PPP2R2B: variants seen among roughly 807,000 people sequenced by gnomAD.
The protein encoded by PPP2R2B is serine/threonine-protein phosphatase 2A 55 kDa regulatory subunit B beta isoform.
In PPP2R2B, 5 loss-of-function variants were observed where a neutral mutation model predicts 46.0. The observed-to-expected ratio is 0.11, with a 90% CI of 0.06 to 0.23. PPP2R2B has a LOEUF of 0.23. PPP2R2B is among the 10% of genes least tolerant of loss of function. The pLI is 1.00. For missense variants in PPP2R2B, 367 were observed against 575.0 expected, an observed-to-expected ratio of 0.64 and a Z score of 3.70; for synonymous variants, 215 against 206.7, an observed-to-expected ratio of 1.04 and a Z score of -0.34.
intron 2 of PPP2R2B, among the ~76,000 whole-genome samples, chr5:146,746,648 C>T (rs1408529901): frequency 6.6e-6 from 1 of 152,214 alleles, no homozygotes; most frequent in African/African-American, 2.4e-5. Context: ...TGCGCTACCC[C>T]TGCTATCCCC....
chr5:146,644,168 T>TA (rs1188301961), intron 6 of PPP2R2B, among the ~76,000 whole-genome samples: 1 of 96,542 alleles, frequency 1.0e-5, no homozygotes, highest in Non-Finnish European at 2.1e-5. Flanking sequence ...ATAATATCAA[T>TA]AAAAGAATAT....
At chr5:146,813,639 T>C (rs1757760487) in intron 2 of PPP2R2B, among the ~76,000 whole-genome samples, 1 of 152,190 alleles carries the variant, frequency 6.6e-6, no homozygotes, top group African/African-American at 2.4e-5. Context: ...TTTTAAGAGC[T>C]CCATCTCTTA....
At chr5:146,860,691 T>C (rs977776033) in intron 2 of PPP2R2B, among the ~76,000 whole-genome samples, 1 of 152,188 alleles carries the variant, frequency 6.6e-6, no homozygotes. Flanking sequence ...CCACCCTCTG[T>C]GTCAATAAAC....
intron 1 of PPP2R2B, among the ~76,000 whole-genome samples, chr5:146,907,557 C>A (rs1459870552): frequency 2.6e-5 from 4 of 152,218 alleles, no homozygotes; most frequent in Non-Finnish European, 5.9e-5. Flanking sequence ...GGGCTAAGGG[C>A]AGGTGTACCT....
At chr5:146,602,417 C>T (rs966998564) in intron 7 of PPP2R2B, among the ~76,000 whole-genome samples, 3 of 152,156 alleles carry the variant, frequency 2.0e-5, no homozygotes, top group African/African-American at 7.2e-5. Context: ...GTATAGTATT[C>T]AGCTGAAACA....
chr5:146,776,570 T>C (rs1265755964), intron 2 of PPP2R2B, among the ~76,000 whole-genome samples: 1 of 152,066 alleles, frequency 6.6e-6, no homozygotes, highest in African/African-American at 2.4e-5. Context: ...TAATGGCAAA[T>C]GTGTATTATG....
rs138543840 is a variant in PPP2R2B at position 146,924,828 on chromosome 5, T to C, written c.79+130837A>G. ...GAATGTGTTAGTTTGCTGAGAATGATGGTTTCCAGCTTCATCCATGTCCCT... is the reference window on the plus strand; with the variant it reads ...GAATGTGTTAGTTTGCTGAGAATGACGGTTTCCAGCTTCATCCATGTCCCT... On this transcript the variant is annotated intron_variant, in intron 1 of 8. Coordinates refer to the PPP2R2B transcript ENST00000336640. 2.1e-3 allele frequency among the ~76,000 whole-genome samples: 326 copies of C among 152,304 alleles called. 2 individuals carry two copies. The highest frequency in any genetic ancestry group is 7.4e-3 in the African/African-American group (309 of 41,572).
At chr5:147,008,672 C>A (rs560343021) in intron 1 of PPP2R2B, among the ~76,000 whole-genome samples, 2 of 152,268 alleles carry the variant, frequency 1.3e-5, no homozygotes, top group Admixed American at 1.3e-4. Context: ...CTCAACCCCA[C>A]CCCCCACTCC....
chr5:146,816,668 A>G (rs1757949217), intron 2 of PPP2R2B, among the ~76,000 whole-genome samples: 1 of 152,236 alleles, frequency 6.6e-6, no homozygotes, highest in Non-Finnish European at 1.5e-5. Flanking sequence ...TCAATAATCA[A>G]ATAAAAACAC....
chr5:147,026,570 G>T (rs1461844029), intron 1 of PPP2R2B, among the ~76,000 whole-genome samples: 1 of 151,960 alleles, frequency 6.6e-6, no homozygotes, highest in Non-Finnish European at 1.5e-5. Context: ...ATGTACTTGT[G>T]CATTTTATTA....
chr5:147,045,213 C>A (rs1055747211), intron 1 of PPP2R2B, among the ~76,000 whole-genome samples: 1 of 152,124 alleles, frequency 6.6e-6, no homozygotes, highest in African/African-American at 2.4e-5. Context: ...GTGTCCCACC[C>A]CTTAAAATAC....
intron 2 of PPP2R2B, among the ~76,000 whole-genome samples, chr5:147,062,965 AG>A (rs1757303107): frequency 4.2e-5 from 2 of 47,534 alleles, no homozygotes; most frequent in Non-Finnish European, 6.7e-5. Context: ...AAAGGGAGGG[AG>A]GGAGGGAGGG....
chr5:146,685,879 C>T (rs1280119799), intron 5 of PPP2R2B, among the ~76,000 whole-genome samples: 1 of 152,120 alleles, frequency 6.6e-6, no homozygotes, highest in Non-Finnish European at 1.5e-5. Context: ...GCAGCCCTCA[C>T]CCCCCGCCTT....
At chr5:146,686,820 C>T (rs955133868) in intron 5 of PPP2R2B, among the ~76,000 whole-genome samples, 1 of 152,146 alleles carries the variant, frequency 6.6e-6, no homozygotes, top group African/African-American at 2.4e-5. Flanking sequence ...ACCCAACTTC[C>T]ATTTCAGGCT....
intron 2 of PPP2R2B, among the ~76,000 whole-genome samples, chr5:146,816,681 G>GT (rs1204854106): frequency 5.9e-5 from 9 of 152,026 alleles, no homozygotes; most frequent in African/African-American, 1.4e-4. Context: ...AAAAACACAG[G>GT]TTTTTTATTA....
chr5:146,908,956 G>A (rs2151803830), intron 1 of PPP2R2B, among the ~76,000 whole-genome samples: 1 of 152,212 alleles, frequency 6.6e-6, no homozygotes, highest in East Asian at 1.9e-4. Context: ...GTGGGCCCTG[G>A]AGCTCAGATC....
chr5:147,043,044 A>G (rs1756387486), intron 1 of PPP2R2B, among the ~76,000 whole-genome samples: 1 of 152,090 alleles, frequency 6.6e-6, no homozygotes, highest in South Asian at 2.1e-4. Flanking sequence ...TAGGCTGCAG[A>G]ATACTATACA....
chr5:146,816,577 C>T (rs951938718), intron 2 of PPP2R2B, among the ~76,000 whole-genome samples: 1 of 152,088 alleles, frequency 6.6e-6, no homozygotes, highest in Non-Finnish European at 1.5e-5. Flanking sequence ...ATGATGCATT[C>T]AACATGATTT....
chr5:146,890,931 C>T (rs1212576722), intron 1 of PPP2R2B, among the ~76,000 whole-genome samples: 3 of 152,078 alleles, frequency 2.0e-5, no homozygotes, highest in African/African-American at 7.2e-5. Flanking sequence ...CAAATGCTGA[C>T]TCATTATGTC....
Sources: gnomAD v4.1 joint callset for allele counts (sites outside exome capture counted in the v4.1 genomes callset) on GRCh38, gnomAD v4.1.1 for gene constraint, MANE v1.5 for transcripts, NCBI Gene and HGNC (gene_info 2026-07-23, HGNC 2026-07-21) for gene names.